PXDNL: variants seen among roughly 807,000 people sequenced by gnomAD.
The protein encoded by PXDNL is peroxidasin like, also known as probable oxidoreductase PXDNL.
A neutral mutation model predicts 150.8 loss-of-function variants in PXDNL; 145 were observed. The observed-to-expected ratio is 0.96, with a 90% confidence interval of 0.84 to 1.10. The LOEUF (loss-of-function observed/expected upper bound fraction) is 1.10. PXDNL is among the 50% of genes least tolerant of loss of function. The probability of loss-of-function intolerance (pLI) is 0.00; values close to 1 mark genes in which losing one functional copy is unlikely to be tolerated. For missense variants in PXDNL, 2,087 were observed against 1,873.9 expected, an observed-to-expected ratio of 1.11 and a Z score of -2.10; for synonymous variants, 757 against 725.7, an observed-to-expected ratio of 1.04 and a Z score of -0.69.
chr8:51,648,042 T>C (rs1814960095), intron 2 of PXDNL, among the ~76,000 whole-genome samples: 1 of 152,140 alleles, frequency 6.6e-6, no homozygotes, highest in South Asian at 2.1e-4. Context: ...ACATAAAGGA[T>C]AGCCTTTTTC....
At chr8:51,698,498 AT>A (rs1216361832) in intron 1 of PXDNL, among the ~76,000 whole-genome samples, 1 of 152,144 alleles carries the variant, frequency 6.6e-6, no homozygotes, top group Non-Finnish European at 1.5e-5. Flanking sequence ...TCCACTTCTA[AT>A]TTTAGTTCTC....
intron 14 of PXDNL, among the ~76,000 whole-genome samples, chr8:51,414,182 G>C (rs1383925447): frequency 4.6e-5 from 7 of 151,368 alleles, no homozygotes; most frequent in Non-Finnish European, 1.0e-4. Flanking sequence ...TTAAGTCAAG[G>C]TGTTACCACA....
chr8:51,554,450 T>C (rs1246218246), intron 4 of PXDNL, among the ~76,000 whole-genome samples: 1 of 152,226 alleles, frequency 6.6e-6, no homozygotes, highest in African/African-American at 2.4e-5. Context: ...ACCCTTGCAC[T>C]TTTTTTGTTC....
intron 1 of PXDNL, among the ~76,000 whole-genome samples, chr8:51,721,496 TTTCTTTAGAAGTTGACTCAA>T (rs1816728697): frequency 6.6e-6 from 1 of 152,166 alleles, no homozygotes; most frequent in Admixed American, 6.5e-5. Context: ...CAACTTCTAC[TTTCTTTAGAAGTTGACTCAA>T]TTCTATACCT....
intron 2 of PXDNL, among the ~76,000 whole-genome samples, chr8:51,637,292 G>T (rs1033549117): frequency 3.3e-5 from 5 of 152,140 alleles, no homozygotes; most frequent in African/African-American, 7.2e-5. Flanking sequence ...AAATCAGAGT[G>T]CCTCTCCCCC....
intron 14 of PXDNL, among the ~76,000 whole-genome samples, chr8:51,421,102 C>A (rs1283225509): frequency 6.6e-6 from 1 of 152,130 alleles, no homozygotes; most frequent in Non-Finnish European, 1.5e-5. Context: ...GATTACAGTG[C>A]TTCTGTGTAT....
intron 3 of PXDNL, among the ~76,000 whole-genome samples, chr8:51,573,565 G>A (rs545634745): frequency 1.4e-4 from 22 of 152,058 alleles, no homozygotes; most frequent in East Asian, 3.9e-4. Flanking sequence ...TGGAGAGCCC[G>A]CACTCCCAAC....
chr8:51,395,891 C>G (rs1808066873), intron 17 of PXDNL, among the ~76,000 whole-genome samples: 1 of 152,238 alleles, frequency 6.6e-6, no homozygotes, highest in South Asian at 2.1e-4. Flanking sequence ...ACCCCCAACT[C>G]TGCCAGCAGA....
intron 5 of PXDNL, among the ~76,000 whole-genome samples, chr8:51,497,264 C>A (rs952472608): frequency 6.6e-6 from 1 of 152,146 alleles, no homozygotes; most frequent in Non-Finnish European, 1.5e-5. Flanking sequence ...CCCTTCCTGA[C>A]ACCTTATACA....
intron 6 of PXDNL, among the ~76,000 whole-genome samples, chr8:51,483,013 T>TGAG (rs1424627419): frequency 7.2e-5 from 11 of 152,070 alleles, no homozygotes; most frequent in Non-Finnish European, 1.6e-4. Flanking sequence ...TGTTTGGGGT[T>TGAG]GAGGATTAGT....
intron 19 of PXDNL, 26 bp from the exon 20 acceptor site, chr8:51,345,973 A>T (rs1806144096): frequency 7.2e-7 from 1 of 1,387,174 alleles, no homozygotes; most frequent in Admixed American, 1.7e-5. Flanking sequence ...TAACCACAAT[A>T]GCATCATGTG....
At chr8:51,368,759 G>T (rs1289366538) in intron 19 of PXDNL, among the ~76,000 whole-genome samples, 1 of 152,096 alleles carries the variant, frequency 6.6e-6, no homozygotes, top group Admixed American at 6.5e-5. Context: ...AATTTGGGAG[G>T]CTGAGGCAGG....
intron 17 of PXDNL, among the ~76,000 whole-genome samples, chr8:51,391,289 T>C (rs1178587623): frequency 2.6e-5 from 4 of 152,170 alleles, no homozygotes; most frequent in Non-Finnish European, 4.4e-5. Context: ...ATGGTATTTC[T>C]AGTTCTAGAT....
chr8:51,799,138 C>A (rs929160108), intron 1 of PXDNL, among the ~76,000 whole-genome samples: 1 of 152,122 alleles, frequency 6.6e-6, no homozygotes, highest in East Asian at 1.9e-4. Context: ...AATACAGGAA[C>A]AGAACACCAT....
intron 2 of PXDNL, among the ~76,000 whole-genome samples, chr8:51,594,051 A>G (rs561493975): frequency 2.6e-5 from 4 of 152,222 alleles, no homozygotes; most frequent in Non-Finnish European, 2.9e-5. Flanking sequence ...TTCAAAATCA[A>G]TTAATGCACT....
chr8:51,655,946 C>T (rs1193710170), intron 1 of PXDNL, among the ~76,000 whole-genome samples: 3 of 152,164 alleles, frequency 2.0e-5, no homozygotes, highest in African/African-American at 7.2e-5. Flanking sequence ...CTTGACTTTC[C>T]AGATCCCTGA....
intron 17 of PXDNL, among the ~76,000 whole-genome samples, chr8:51,385,221 T>G (rs1313363105): frequency 2.0e-5 from 3 of 152,132 alleles, no homozygotes; most frequent in Admixed American, 1.3e-4. Context: ...CTGAGACATA[T>G]TCCCCTTTTA....
At chr8:51,403,914 T>C (rs1001009469) in intron 17 of PXDNL, among the ~76,000 whole-genome samples, 6 of 152,210 alleles carry the variant, frequency 3.9e-5, no homozygotes, top group African/African-American at 1.4e-4. Flanking sequence ...TGTCCGGAGT[T>C]TGTTCCTTCT....
chr8:51,377,471 T>C (rs1340330243), intron 17 of PXDNL, among the ~76,000 whole-genome samples: 1 of 152,152 alleles, frequency 6.6e-6, no homozygotes. Context: ...CTCTCTGAGC[T>C]AAACGAGGCC....
Sources: gnomAD v4.1 joint callset for allele counts (sites outside exome capture counted in the v4.1 genomes callset) on GRCh38, gnomAD v4.1.1 for gene constraint, MANE v1.5 for transcripts, NCBI Gene and HGNC (gene_info 2026-07-23, HGNC 2026-07-21) for gene names.